CDKAL1: variants seen among roughly 807,000 people sequenced by gnomAD.
The protein encoded by CDKAL1 is threonylcarbamoyladenosine tRNA methylthiotransferase.
Under a neutral mutation model 68.2 loss-of-function variants are expected in CDKAL1, and 32 were observed. The ratio of observed to expected loss-of-function variants is 0.47; its 90% CI spans 0.35 to 0.63. The LOEUF is 0.63. CDKAL1 is among the 30% of genes least tolerant of loss of function. The pLI is 0.00. For missense variants in CDKAL1, 606 were observed against 696.7 expected, an observed-to-expected ratio of 0.87 and a Z score of 1.47; for synonymous variants, 234 against 244.3, an observed-to-expected ratio of 0.96 and a Z score of 0.39.
At chr6:21,155,385 G>A (rs6913868) in intron 13 of CDKAL1, among the ~76,000 whole-genome samples, 51,365 of 151,886 alleles carry the variant, frequency 0.34, 9,021 homozygotes, top group African/African-American at 0.43. Flanking sequence ...AAAATATTCT[G>A]TTTCCCCAGC....
chr6:20,753,609 A>G (rs891207080), intron 6 of CDKAL1, among the ~76,000 whole-genome samples: 1 of 152,118 alleles, frequency 6.6e-6, no homozygotes, highest in Admixed American at 6.5e-5. Context: ...ACCTAATAAC[A>G]CGTTTCTCAG....
chr6:21,044,467 C>T (rs201318), intron 11 of CDKAL1, among the ~76,000 whole-genome samples: 24,429 of 152,184 alleles, frequency 0.16, 2,191 homozygotes, highest in Middle Eastern at 0.23. Flanking sequence ...ACACTTGCTT[C>T]TTACATTGGT....
intron 4 of CDKAL1, among the ~76,000 whole-genome samples, chr6:20,606,337 A>C (rs1026202280): frequency 1.4e-4 from 22 of 152,180 alleles, no homozygotes; most frequent in African/African-American, 5.3e-4. Flanking sequence ...TCACAGCAAG[A>C]TACTTTGTTT....
chr6:21,161,596 G>A (rs1776927967), intron 13 of CDKAL1, among the ~76,000 whole-genome samples: 1 of 152,076 alleles, frequency 6.6e-6, no homozygotes. Context: ...ATTTATAGGG[G>A]TGATCTACGT....
At chr6:21,007,109 T>C (rs1231375107) in intron 11 of CDKAL1, among the ~76,000 whole-genome samples, 1 of 152,116 alleles carries the variant, frequency 6.6e-6, no homozygotes, top group East Asian at 1.9e-4. Context: ...TAATTTGCAT[T>C]TTATAAAACA....
intron 11 of CDKAL1, among the ~76,000 whole-genome samples, chr6:21,048,855 C>T (rs1770389073): frequency 6.6e-6 from 1 of 151,418 alleles, no homozygotes; most frequent in African/African-American, 2.4e-5. Context: ...AAGAAACTTG[C>T]CTAACTTTGT....
intron 6 of CDKAL1, among the ~76,000 whole-genome samples, chr6:20,755,597 A>G (rs1774134363): frequency 6.6e-6 from 1 of 152,058 alleles, no homozygotes; most frequent in African/African-American, 2.4e-5. Context: ...CATTCCACAA[A>G]TCTCTTAGTG....
At position 20,820,520 on chromosome 6, in the gene CDKAL1, G is replaced by A. The variant is rs1412728227; in HGVS notation, c.639-25555G>A. On this transcript the variant is annotated intron_variant, in intron 8 of 15. Coordinates refer to ENST00000274695, the MANE Select transcript of CDKAL1 (RefSeq NM_017774.3). ...CCAGGTTGGAATTCTTATCCACCAG[G>A]CTAACTTGCTTTTGATGCGATTTAC... is the stretch of plus-strand genomic sequence containing the variant. Among the ~76,000 whole-genome samples, 3 of 152,262 alleles carry A rather than the reference G, an allele frequency of 2.0e-5. No individual in the cohort carries two copies. In the East Asian group the frequency reaches 5.8e-4, roughly 29 times the overall value.
Position 21,227,516 on chromosome 6 carries a change from A to G in CDKAL1, c.1549-3332A>G, listed in dbSNP as rs1011486196. On this transcript the variant is annotated intron_variant, in intron 15 of 15. Coordinates refer to ENST00000274695, the MANE Select transcript of CDKAL1 (RefSeq NM_017774.3). ...TAAAAGGTGAAAATAATAAAAGGGC[A>G]CAGCACAATAGAGACAGGATGCATT... Among the ~76,000 whole-genome samples the G allele has an allele frequency of 2.7e-4, 41 of 152,242 alleles. 1 individual carries two copies. Among genetic ancestry groups the G allele is most frequent in the African/African-American group, 9.2e-4 (38 of 41,472 alleles).
chr6:20,737,504 A>G (rs890440559), intron 5 of CDKAL1, among the ~76,000 whole-genome samples: 1 of 152,224 alleles, frequency 6.6e-6, no homozygotes, highest in Non-Finnish European at 1.5e-5. Flanking sequence ...AGTCATCTCA[A>G]TGTCTCTTGG....
intron 11 of CDKAL1, among the ~76,000 whole-genome samples, chr6:21,049,233 C>T (rs753366308): frequency 6.6e-6 from 1 of 152,104 alleles, no homozygotes; most frequent in Admixed American, 6.5e-5. Context: ...ATTCTAATTA[C>T]TTTAGTAATT....
intron 9 of CDKAL1, among the ~76,000 whole-genome samples, chr6:20,933,425 T>C (rs141241505): frequency 0.012 from 1,754 of 152,328 alleles, 14 homozygotes; most frequent in Non-Finnish European, 0.016. Context: ...ATGAGATAGT[T>C]ATTAACTAAA....
At chr6:21,201,072 T>G in intron 14 of CDKAL1, 38 bp from the exon 15 acceptor site, 2 of 1,557,768 alleles carry the variant, frequency 1.3e-6, no homozygotes, top group African/African-American at 1.4e-5. Flanking sequence ...AAAATGTTTA[T>G]TTTTAAAAAT....
At chr6:20,875,877 G>A (rs1383578608) in intron 9 of CDKAL1, among the ~76,000 whole-genome samples, 2 of 151,958 alleles carry the variant, frequency 1.3e-5, no homozygotes, top group Non-Finnish European at 2.9e-5. Context: ...TGTATAATAA[G>A]AAATTGAAAA....
intron 14 of CDKAL1, among the ~76,000 whole-genome samples, chr6:21,199,663 G>A (rs1473991780): frequency 6.6e-6 from 1 of 152,142 alleles, no homozygotes; most frequent in Non-Finnish European, 1.5e-5. Flanking sequence ...GGAAAACACT[G>A]AGCCCTTCAT....
intron 9 of CDKAL1, among the ~76,000 whole-genome samples, chr6:20,938,254 T>G (rs1273560944): frequency 6.6e-6 from 1 of 152,186 alleles, no homozygotes; most frequent in African/African-American, 2.4e-5. Context: ...CATAATTTTT[T>G]TTAGTACTTT....
chr6:20,963,635 A>T (rs1229292872), intron 10 of CDKAL1, among the ~76,000 whole-genome samples: 2 of 152,222 alleles, frequency 1.3e-5, no homozygotes, highest in Admixed American at 6.5e-5. Context: ...ATGTTATTTT[A>T]TCCTTATTGT....
chr6:21,023,053 A>T (rs139212715), intron 11 of CDKAL1, among the ~76,000 whole-genome samples: 1 of 152,282 alleles, frequency 6.6e-6, no homozygotes, highest in African/African-American at 2.4e-5. Context: ...ATGAGGATAA[A>T]TGTAGGAAAA....
At chr6:21,149,120 A>G (rs1776297603) in intron 13 of CDKAL1, among the ~76,000 whole-genome samples, 1 of 152,160 alleles carries the variant, frequency 6.6e-6, no homozygotes, top group South Asian at 2.1e-4. Flanking sequence ...ACAGTAGAAC[A>G]GGAAATGTAA....
Sources: gnomAD v4.1 joint callset for allele counts (sites outside exome capture counted in the v4.1 genomes callset) on GRCh38, gnomAD v4.1.1 for gene constraint, MANE v1.5 for transcripts, NCBI Gene and HGNC (gene_info 2026-07-23, HGNC 2026-07-21) for gene names.